The following PHF20 variants were observed in gnomAD, a reference collection of about 807,000 sequenced individuals.
The protein encoded by PHF20 is glioma-expressed antigen 2.
Under a neutral mutation model 113.5 loss-of-function variants are expected in PHF20, and 23 were observed. That is an observed-to-expected ratio of 0.20 (90% CI 0.15 to 0.29). PHF20 has a LOEUF of 0.29. PHF20 is among the 10% of genes least tolerant of loss of function. The pLI is 1.00. For synonymous variants in PHF20, 434 were observed against 457.3 expected (o/e 0.95, Z 0.65); for missense variants, 943 against 1,219.6 (o/e 0.77, Z 3.38).
At chr20:35,897,982 T>A (rs2055021169) in intron 9 of PHF20, among the ~76,000 whole-genome samples, 1 of 152,058 alleles carries the variant, frequency 6.6e-6, no homozygotes, top group African/African-American at 2.4e-5. Flanking sequence ...TTCAAGCGAT[T>A]CTTCTGCCTC....
At chr20:35,814,887 A>AT (rs1185208476) in intron 2 of PHF20, among the ~76,000 whole-genome samples, 4,667 of 147,076 alleles carry the variant, frequency 0.032, 136 homozygotes, top group African/African-American at 0.063. Context: ...AAAAAAAAAA[A>AT]AAATAAAATA....
intron 17 of PHF20, among the ~76,000 whole-genome samples, chr20:35,944,218 G>A (rs888044823): frequency 1.3e-5 from 2 of 152,190 alleles, no homozygotes; most frequent in Admixed American, 1.3e-4. Flanking sequence ...CAGAGGAGAT[G>A]CTGTTGACTT....
At chr20:35,811,181 G>A (rs2041971137) in intron 2 of PHF20, among the ~76,000 whole-genome samples, 1 of 151,908 alleles carries the variant, frequency 6.6e-6, no homozygotes, top group Non-Finnish European at 1.5e-5. Flanking sequence ...CGAGTAGCTG[G>A]GACTACAGGT....
chr20:35,823,335 T>G (rs2042203663), intron 2 of PHF20, among the ~76,000 whole-genome samples: 1 of 150,912 alleles, frequency 6.6e-6, no homozygotes, highest in Admixed American at 6.7e-5. Context: ...GAATGGTGAC[T>G]CATGCCTATA....
At chr20:35,926,938 C>T (rs2055650985) in intron 13 of PHF20, among the ~76,000 whole-genome samples, 1 of 152,166 alleles carries the variant, frequency 6.6e-6, no homozygotes, top group Non-Finnish European at 1.5e-5. Flanking sequence ...TTGAAGTGCC[C>T]TAGTATCTCC....
At chr20:35,884,791 G>T (rs1327689607) in intron 9 of PHF20, among the ~76,000 whole-genome samples, 2 of 152,026 alleles carry the variant, frequency 1.3e-5, no homozygotes, top group Non-Finnish European at 2.9e-5. Context: ...CCAATTGCTA[G>T]CAATTTACCA....
intron 2 of PHF20, among the ~76,000 whole-genome samples, chr20:35,825,741 A>G (rs6060624): frequency 0.11 from 16,678 of 152,056 alleles, 943 homozygotes; most frequent in South Asian, 0.16. Context: ...ACAGCCTTCA[A>G]TTCTTTGGCT....
At chr20:35,775,774 AG>A in intron 1 of PHF20, among the ~76,000 whole-genome samples, 1 of 148,942 alleles carries the variant, frequency 6.7e-6, no homozygotes, top group East Asian at 2.0e-4. Flanking sequence ...AAAAAAAAAA[AG>A]GCCAAAACTT....
intron 3 of PHF20, among the ~76,000 whole-genome samples, chr20:35,844,858 T>C (rs2042595244): frequency 6.6e-6 from 1 of 152,186 alleles, no homozygotes; most frequent in Non-Finnish European, 1.5e-5. Flanking sequence ...TGTAATAAGC[T>C]TAAATTTAAT....
At chr20:35,833,202 T>G (rs2042383961) in intron 2 of PHF20, among the ~76,000 whole-genome samples, 1 of 152,220 alleles carries the variant, frequency 6.6e-6, no homozygotes. Context: ...CCTTGTCCTT[T>G]TCCATTTGAC....
intron 2 of PHF20, among the ~76,000 whole-genome samples, chr20:35,815,773 A>G (rs1272430364): frequency 6.6e-6 from 1 of 151,342 alleles, no homozygotes; most frequent in African/African-American, 2.4e-5. Flanking sequence ...CATGCCTGTA[A>G]TTCCAGCTAC....
chr20:35,921,662 T>C (rs544256542), intron 13 of PHF20, among the ~76,000 whole-genome samples: 1 of 151,860 alleles, frequency 6.6e-6, no homozygotes, highest in Non-Finnish European at 1.5e-5. Context: ...CCAGCCTGGG[T>C]GACAGAATGA....
At chr20:35,835,470 A>G (rs17093119) in intron 2 of PHF20, among the ~76,000 whole-genome samples, 7,719 of 152,274 alleles carry the variant, frequency 0.051, 242 homozygotes, top group African/African-American at 0.099. Flanking sequence ...ATAATACAAG[A>G]ACACTTGGAC....
intron 2 of PHF20, among the ~76,000 whole-genome samples, chr20:35,825,617 G>T (rs1275179766): frequency 6.6e-6 from 1 of 152,120 alleles, no homozygotes; most frequent in African/African-American, 2.4e-5. Context: ...ATTGAATTAA[G>T]AAGAGTGCAA....
chr20:35,832,516 G>C (rs2042372292), intron 2 of PHF20, among the ~76,000 whole-genome samples: 1 of 152,086 alleles, frequency 6.6e-6, no homozygotes, highest in Non-Finnish European at 1.5e-5. Context: ...AAACATATAG[G>C]AAACTGACAC....
intron 15 of PHF20, among the ~76,000 whole-genome samples, chr20:35,937,185 C>T (rs755335055): frequency 3.0e-4 from 45 of 151,854 alleles, no homozygotes; most frequent in Middle Eastern, 3.4e-3. Flanking sequence ...AAAGGCCAGT[C>T]GCCAGGCTTG....
At chr20:35,781,974 A>T (rs2146830540) in intron 1 of PHF20, among the ~76,000 whole-genome samples, 1 of 151,856 alleles carries the variant, frequency 6.6e-6, no homozygotes, top group Middle Eastern at 3.4e-3. Context: ...ATAACTCTGT[A>T]CCCATTAAAC....
chr20:35,940,104 GAAAATCCCTCAGT>G (rs1223250793), intron 16 of PHF20, among the ~76,000 whole-genome samples: 5 of 152,142 alleles, frequency 3.3e-5, no homozygotes, highest in Non-Finnish European at 7.4e-5. Flanking sequence ...ACATATTTGT[GAAAATCCCTCAGT>G]AAAATCCCTC....
intron 10 of PHF20, among the ~76,000 whole-genome samples, chr20:35,908,180 A>G (rs1354984135): frequency 6.6e-6 from 1 of 152,170 alleles, no homozygotes; most frequent in Non-Finnish European, 1.5e-5. Context: ...GGAGTGGGAG[A>G]TAGGAGTGCC....
Sources: allele counts gnomAD v4.1 joint callset (sites outside exome capture counted in the v4.1 genomes callset), GRCh38; gene constraint gnomAD v4.1.1; transcripts MANE v1.5; gene names NCBI Gene and HGNC (gene_info 2026-07-23, HGNC 2026-07-21).